MRPS2: variants seen among roughly 807,000 people sequenced by gnomAD.
The protein encoded by MRPS2 is mitochondrial ribosomal protein S2, also known as small ribosomal subunit protein uS2m.
MRPS2 carries 13 observed loss-of-function variants against 18.9 expected under a neutral mutation model. The ratio of observed to expected loss-of-function variants is 0.69; its 90% CI spans 0.45 to 1.09. The LOEUF (loss-of-function observed/expected upper bound fraction) is 1.09, where lower values mean the gene tolerates loss of function less well. Ranked by LOEUF, MRPS2 falls within the 50% of genes least tolerant of loss-of-function variation. MRPS2 has a pLI of 0.00. For synonymous variants in MRPS2, 186 were observed against 178.4 expected (o/e 1.04, Z -0.34); for missense variants, 389 against 421.7 (o/e 0.92, Z 0.68).
chr9:135,502,362 G>C, intron 3 of MRPS2: 1 of 736,146 alleles, frequency 1.4e-6, no homozygotes, highest in South Asian at 4.0e-5. Flanking sequence ...TGCTGTGGGG[G>C]GAGGGGATGG....
chr9:135,501,687 C>A (rs967543425), intron 2 of MRPS2, 157 bp from the exon 3 acceptor site: 7 of 1,451,426 alleles, frequency 4.8e-6, no homozygotes, highest in Middle Eastern at 2.2e-4. Context: ...GAAAAGGTCC[C>A]TGTGCTTCCA....
At position 135,504,162 on chromosome 9, in the gene MRPS2, A is replaced by G. The variant is rs374675672; in HGVS notation, c.*29A>G. On this transcript the variant is annotated 3_prime_UTR_variant, in exon 4 of 4. Transcript: ENST00000241600. This position sits in a 1 kb window ranked among gnomAD's most constrained non-coding sequence, Gnocchi z 4.3. Reference sequence around the variant, plus strand: ...TCACTCTCCTCCCAAAGCAAACCACAGCCAAGCCTGTCTGAGCTGGGAGTC... The same window carrying G: ...TCACTCTCCTCCCAAAGCAAACCACGGCCAAGCCTGTCTGAGCTGGGAGTC... 9.8e-6 allele frequency: 15 copies of G among 1,532,250 alleles called. No homozygotes were observed. The African/African-American group carries it at 2.1e-4, about 21-fold the overall frequency. 94.9% of individuals were successfully genotyped at this position (1,532,250 alleles called of 1,614,324 possible).
rs201117985 is a variant in MRPS2, at chr9:135,504,080, G to A, written c.838G>A (p.Gly280Arg). 2.0e-5 allele frequency: 32 copies of A among 1,612,010 alleles called. No individual in the cohort carries two copies. The highest frequency in any genetic ancestry group is 2.2e-5 in the East Asian group (1 of 44,888). ...TCGCCTGCAGGGCCAGAAGGAGCCC[G>A]GGGACCAGGGGCCAGCCCACCCTCC... ...LYRLQGQKEP[G>R]DQGPAHPPGA... The change falls in exon 4 of 4, where the codon GGG becomes AGG. Residue 280 changes from glycine (G) to arginine (R), a missense_variant. Physicochemically the swap from Gly to Arg is moderately radical, Grantham distance 125. Coordinates refer to ENST00000241600, the MANE Select transcript of MRPS2 (RefSeq NM_016034.5). This position sits in a 1 kb window ranked among gnomAD's most constrained non-coding sequence, Gnocchi z 4.3.
chr9:135,503,239 C>A (rs190617697), intron 3 of MRPS2: 2 of 1,238,356 alleles, frequency 1.6e-6, no homozygotes, highest in African/African-American at 3.1e-5. Flanking sequence ...GGCAGAATGT[C>A]CTTTTGGCGT....
In MRPS2 at chr9:135,504,592, G is replaced by T. The variant is rs1831250359; in HGVS notation, c.*459G>T. ...GATGCTGCTGGCAGGCCACTCAGAG[G>T]CTCCCAGCTGGGTTGGTGGGACAGC... is the stretch of plus-strand genomic sequence containing the variant. On this transcript the variant is annotated 3_prime_UTR_variant, in exon 4 of 4. Coordinates refer to ENST00000241600, the MANE Select transcript of MRPS2 (RefSeq NM_016034.5). This position sits in a 1 kb window ranked among gnomAD's most constrained non-coding sequence, Gnocchi z 4.3. 6.1e-6 allele frequency: 1 copy of T among 163,452 alleles called. No homozygotes were observed. The highest frequency in any genetic ancestry group is 1.3e-5 in the Non-Finnish European group (1 of 75,824). 10.1% of individuals were successfully genotyped at this position (163,452 alleles called of 1,614,324 possible).
At chr9:135,500,904 T>G in intron 1 of MRPS2, 94 bp from the exon 2 acceptor site, 2 of 1,569,094 alleles carry the variant, frequency 1.3e-6, no homozygotes, top group Non-Finnish European at 1.7e-6. Flanking sequence ...AGGGGACCCG[T>G]TAGGGACGCG....
At chr9:135,500,052 G>A (rs1249844718), upstream of MRPS2, 23 of 606,690 alleles carry the variant, frequency 3.8e-5, no homozygotes, top group Admixed American at 7.8e-4. Flanking sequence ...TGGGACCGTC[G>A]TGTGAGGCAG....
chr9:135,502,272 T>C (rs1831164730), intron 3 of MRPS2: 2 of 1,163,334 alleles, frequency 1.7e-6, no homozygotes, highest in Non-Finnish European at 2.1e-6. Context: ...GTAAGGTTGG[T>C]CCCCCCGGAT....
rs80220183 is a variant in MRPS2, at chr9:135,502,585, A to G, written c.299+612A>G. The stretch of plus-strand genomic sequence containing the variant: ...GTGGAGCCTGGTACTGGTTACTGAG[A>G]TGGTGAAAACCAGGGGAGACCTGGG... On this transcript the variant is annotated intron_variant, in intron 3 of 3. Transcript: ENST00000241600. The G allele has an allele frequency of 9.5e-3, 1,470 of 155,290 alleles. 29 individuals are homozygous for G. The highest frequency in any genetic ancestry group is 0.033 in the African/African-American group (1,377 of 41,560). 9.6% of individuals were successfully genotyped at this position (155,290 alleles called of 1,614,324 possible). A position where few individuals can be genotyped will look rare whatever the true frequency, so the allele number is the denominator to read the frequency against.
upstream of MRPS2, chr9:135,500,564 C>T: frequency 1.1e-6 from 1 of 883,548 alleles, no homozygotes; most frequent in Non-Finnish European, 1.6e-6. Flanking sequence ...TGCCCCGCCC[C>T]CGCAGGGAGG....
rs1588372075 is a variant in MRPS2, at chr9:135,504,382, G to C, written c.*249G>C. On this transcript the variant is annotated 3_prime_UTR_variant, in exon 4 of 4. Coordinates refer to ENST00000241600, the MANE Select transcript of MRPS2 (RefSeq NM_016034.5). The surrounding 1 kb of genome is among the most constrained non-coding windows in gnomAD (Gnocchi z 4.3). ...CAGAACGGCCCCTTGGCTGCAGTTAGGACCTCAGTGGCTGGTATGGCCAAG... is the reference window on the plus strand; with the variant it reads ...CAGAACGGCCCCTTGGCTGCAGTTACGACCTCAGTGGCTGGTATGGCCAAG... 3.7e-6 allele frequency: 2 copies of C among 540,936 alleles called. No homozygotes were observed. Among genetic ancestry groups the C allele is most frequent in the East Asian group, 6.2e-5 (2 of 32,500 alleles). The allele number at this position is 540,936 out of a possible 1,614,324, so 33.5% of individuals were successfully genotyped here. A position where few individuals can be genotyped will look rare whatever the true frequency, so the allele number is the denominator to read the frequency against.
chr9:135,500,699 C>G lies in MRPS2; in HGVS notation c.-12C>G, dbSNP rs777841789. The G allele has an allele frequency of 2.7e-6, 4 of 1,468,108 alleles. No individual in the cohort carries two copies. Among genetic ancestry groups the G allele is most frequent in the Non-Finnish European group, 3.6e-6 (4 of 1,117,334 alleles). The allele number at this position is 1,468,108 out of a possible 1,614,324, so 90.9% of individuals were successfully genotyped here. ...CCTGGAGGGAGACCTCGCTCTGCCCCGCGTCCCAGCCATGGCGACATCCTC... is the reference window on the plus strand; with the variant it reads ...CCTGGAGGGAGACCTCGCTCTGCCCGGCGTCCCAGCCATGGCGACATCCTC... On this transcript the variant is annotated 5_prime_UTR_variant, in exon 1 of 4. Transcript: ENST00000241600.
chr9:135,501,949 G>A lies in MRPS2; in HGVS notation c.275G>A (p.Gly92Glu), dbSNP rs1012491969. The part of the protein sequence containing the change: ...RSLFDARVHL[G>E]HKAGCRHRFM... Reference sequence around the variant, plus strand: ...CTCTTCGATGCCCGAGTCCATCTGGGACACAAAGCTGGCTGTCGGCACAGG... The same window carrying A: ...CTCTTCGATGCCCGAGTCCATCTGGAACACAAAGCTGGCTGTCGGCACAGG... Residue 92 changes from glycine (G) to glutamate (E), a missense_variant, in exon 3 of 4, where the codon GGA becomes GAA. Transcript: ENST00000241600. 3.1e-6 allele frequency: 5 copies of A among 1,613,708 alleles called. No individual in the cohort carries two copies. The highest frequency in any genetic ancestry group is 4.2e-6 in the Non-Finnish European group (5 of 1,180,000).
At position 135,504,105 on chromosome 9, in the gene MRPS2, C is replaced by G; in HGVS notation, c.863C>G (p.Pro288Arg). 1 of 1,609,720 alleles carries G rather than the reference C, an allele frequency of 6.2e-7. No individual in the cohort carries two copies. Among genetic ancestry groups the G allele is most frequent in the South Asian group, 1.1e-5 (1 of 90,878 alleles). Residue 288 changes from proline (P) to arginine (R), a missense_variant, in exon 4 of 4, where the codon CCT (proline) becomes CGT (arginine). Coordinates refer to ENST00000241600, the MANE Select transcript of MRPS2 (RefSeq NM_016034.5). This position sits in a 1 kb window ranked among gnomAD's most constrained non-coding sequence, Gnocchi z 4.3. ...EPGDQGPAHP[P>R]GADMSHSL ...GGGGACCAGGGGCCAGCCCACCCTC[C>G]TGGGGCTGACATGAGCCATTCCCTG...
At chr9:135,500,678 G>A (rs1049504317), upstream of MRPS2, 9 of 1,452,836 alleles carry the variant, frequency 6.2e-6, no homozygotes, top group South Asian at 1.4e-5. Context: ...GCCTGGCCTG[G>A]AGGGAGACCT....
At position 135,501,069 on chromosome 9, in the gene MRPS2, A is replaced by G; in HGVS notation, c.115A>G (p.Arg39Gly). 6.2e-7 allele frequency: 1 copy of G among 1,610,484 alleles called. No homozygotes were observed. Among genetic ancestry groups the G allele is most frequent in the Non-Finnish European group, 8.5e-7 (1 of 1,178,974 alleles). The change falls in exon 2 of 4, where the codon AGG becomes GGG. Residue 39 changes from arginine (R) to glycine (G), a missense_variant. Arg to Gly is a moderately radical substitution (Grantham distance 125, BLOSUM62 -2). Transcript: ENST00000241600. ...ATPRPARPSRRTLGSATALMI... is the reference protein window; with the variant it reads ...ATPRPARPSRGTLGSATALMI... ...CCCCCGGCCTGCTCGGCCGAGCCGC[A>G]GGACGCTTGGAAGCGCGACGGCCCT...
intron 3 of MRPS2, 98 bp from the exon 4 acceptor site, chr9:135,503,444 C>A: frequency 7.1e-7 from 1 of 1,405,998 alleles, no homozygotes; most frequent in Non-Finnish European, 9.5e-7. Context: ...CACAGAGGAG[C>A]CCGGGAGTCC....
chr9:135,503,162 G>A (rs1831190670), intron 3 of MRPS2: 1 of 1,073,742 alleles, frequency 9.3e-7, no homozygotes, highest in Non-Finnish European at 1.1e-6. Flanking sequence ...CAACCCCAGA[G>A]GGGCCTCATC....
At chr9:135,502,815 G>A (rs1243286047) in intron 3 of MRPS2, among the ~76,000 whole-genome samples, 1 of 152,196 alleles carries the variant, frequency 6.6e-6, no homozygotes, top group African/African-American at 2.4e-5. Context: ...GGGACAGCCG[G>A]GGGTAGGGGA....
Sources: allele counts gnomAD v4.1 joint callset (sites outside exome capture counted in the v4.1 genomes callset), GRCh38; gene constraint gnomAD v4.1.1; non-coding constraint Gnocchi (gnomAD v3.1); transcripts MANE v1.5; gene names NCBI Gene and HGNC (gene_info 2026-07-23, HGNC 2026-07-21).